HS3ST4: variants seen among roughly 807,000 people sequenced by gnomAD.
HS3ST4 encodes heparan sulfate glucosamine 3-O-sulfotransferase 4.
HS3ST4 carries 17 observed loss-of-function variants against 29.2 expected under a neutral mutation model. The ratio of observed to expected loss-of-function variants is 0.58; its 90% CI spans 0.40 to 0.87. The LOEUF is 0.87. Ranked by LOEUF, HS3ST4 falls within the 40% of genes least tolerant of loss-of-function variation. HS3ST4 has a pLI of 0.00. For missense variants in HS3ST4, 627 were observed against 634.5 expected, an observed-to-expected ratio of 0.99 and a Z score of 0.13; for synonymous variants, 314 against 285.7, an observed-to-expected ratio of 1.10 and a Z score of -1.00.
chr16:25,957,201 C>T (rs935322405), intron 1 of HS3ST4, among the ~76,000 whole-genome samples: 1 of 152,020 alleles, frequency 6.6e-6, no homozygotes, highest in African/African-American at 2.4e-5. Flanking sequence ...TCCAAAGGCC[C>T]TCTGATTCCT....
chr16:25,722,552 G>A (rs11863561), intron 1 of HS3ST4, among the ~76,000 whole-genome samples: 28,892 of 152,180 alleles, frequency 0.19, 3,010 homozygotes, highest in South Asian at 0.33. Flanking sequence ...TATGGATACA[G>A]TGTCACCTGG....
rs559572156 is a variant in HS3ST4 at position 26,038,038 on chromosome 16, A to G, written c.735-97574A>G. Among the ~76,000 whole-genome samples the G allele has an allele frequency of 3.3e-5, 5 of 152,176 alleles. No homozygotes were observed. In the South Asian group the frequency reaches 1.0e-3, roughly 32 times the overall value. On this transcript the variant is annotated intron_variant, in intron 1 of 1. Transcript: ENST00000331351. ...GTAAAAGTCCTTCGTGTATTTCCCA[A>G]AACCTTACATGATATGGATGTATCC...
chr16:25,725,873 A>C (rs973317510), intron 1 of HS3ST4, among the ~76,000 whole-genome samples: 3 of 152,120 alleles, frequency 2.0e-5, no homozygotes, highest in African/African-American at 7.2e-5. Flanking sequence ...ACTTACACAT[A>C]GAATATTGTC....
At chr16:25,706,469 C>T (rs1366641611) in intron 1 of HS3ST4, among the ~76,000 whole-genome samples, 1 of 152,040 alleles carries the variant, frequency 6.6e-6, no homozygotes, top group Non-Finnish European at 1.5e-5. Context: ...CACCTATCAA[C>T]CCGTCATCTA....
intron 1 of HS3ST4, among the ~76,000 whole-genome samples, chr16:25,761,183 C>T (rs114388475): frequency 1.1e-3 from 167 of 152,252 alleles, no homozygotes; most frequent in African/African-American, 3.9e-3. Flanking sequence ...CTGCTTCAGT[C>T]GTATCTTGCC....
intron 1 of HS3ST4, among the ~76,000 whole-genome samples, chr16:25,775,899 G>A (rs573188900): frequency 1.3e-5 from 2 of 152,334 alleles, no homozygotes; most frequent in South Asian, 2.1e-4. Flanking sequence ...TCCGCATACA[G>A]TCTTAGTCCT....
At chr16:25,736,215 C>T (rs1449081818) in intron 1 of HS3ST4, among the ~76,000 whole-genome samples, 2 of 152,188 alleles carry the variant, frequency 1.3e-5, no homozygotes, top group Non-Finnish European at 1.5e-5. Context: ...GAATGGCATT[C>T]ATAACGACGT....
At chr16:25,704,530 G>C (rs987695120) in intron 1 of HS3ST4, among the ~76,000 whole-genome samples, 2 of 152,050 alleles carry the variant, frequency 1.3e-5, no homozygotes, top group East Asian at 3.9e-4. Context: ...CATGATCATA[G>C]CTCACAGCAG....
At chr16:25,871,319 C>T (rs1337821034) in intron 1 of HS3ST4, among the ~76,000 whole-genome samples, 1 of 152,132 alleles carries the variant, frequency 6.6e-6, no homozygotes, top group Non-Finnish European at 1.5e-5. Flanking sequence ...TAAGCCAGAG[C>T]TGCCCATCAT....
At chr16:26,022,105 G>A (rs1407070308) in intron 1 of HS3ST4, among the ~76,000 whole-genome samples, 2 of 152,232 alleles carry the variant, frequency 1.3e-5, no homozygotes, top group South Asian at 2.1e-4. Context: ...TGGGACTACA[G>A]GCACATGTCA....
rs193259566 is a variant in HS3ST4, at chr16:25,966,767, C to T, written c.735-168845C>T. On this transcript the variant is annotated intron_variant, in intron 1 of 1. Transcript: ENST00000331351. ...CCATTCCTACTTAATGTTTGATGGTCGTGGTGGGCAGTGGAGATGGGAGAT... is the reference window on the plus strand; with the variant it reads ...CCATTCCTACTTAATGTTTGATGGTTGTGGTGGGCAGTGGAGATGGGAGAT... 5.3e-5 allele frequency among the ~76,000 whole-genome samples: 8 copies of T among 152,126 alleles called. No individual in the cohort carries two copies. In the East Asian group the frequency reaches 5.8e-4, roughly 11 times the overall value.
intron 1 of HS3ST4, among the ~76,000 whole-genome samples, chr16:25,828,301 C>CTTTCCCTCT (rs1555467593): frequency 9.1e-5 from 3 of 32,886 alleles, no homozygotes; most frequent in African/African-American, 1.3e-4. Context: ...TCTTTCTTTC[C>CTTTCCCTCT]CTCTCTCTCT....
chr16:26,001,964 T>C (rs1335292322), intron 1 of HS3ST4, among the ~76,000 whole-genome samples: 1 of 152,118 alleles, frequency 6.6e-6, no homozygotes, highest in African/African-American at 2.4e-5. Context: ...TGGTAACTAA[T>C]TGAACATGAG....
At position 25,828,295 on chromosome 16, in the gene HS3ST4, T is replaced by TCC. The variant is rs1463074019; in HGVS notation, c.734+135145_734+135146insCC. On this transcript the variant is annotated intron_variant, in intron 1 of 1. Coordinates refer to ENST00000331351, the MANE Select transcript of HS3ST4 (RefSeq NM_006040.3). ...TTCTTTCTTTCTTTCTTTCTTTCTT[T>TCC]CTTTCCCTCTCTCTCTCTCTCTCTC... 4.8e-3 allele frequency among the ~76,000 whole-genome samples: 324 copies of TCC among 67,968 alleles called. 2 individuals carry two copies. Among genetic ancestry groups the TCC allele is most frequent in the African/African-American group, 7.7e-3 (114 of 14,748 alleles). 44.6% of individuals were successfully genotyped at this position (67,968 alleles called of 152,430 possible). A position where few individuals can be genotyped will look rare whatever the true frequency, so the allele number is the denominator to read the frequency against.
At chr16:25,715,827 T>C (rs1966450414) in intron 1 of HS3ST4, among the ~76,000 whole-genome samples, 1 of 152,202 alleles carries the variant, frequency 6.6e-6, no homozygotes, top group Non-Finnish European at 1.5e-5. Context: ...ATAGGGGGAT[T>C]CTGTGGTCAG....
At chr16:25,705,461 C>T (rs532825333) in intron 1 of HS3ST4, among the ~76,000 whole-genome samples, 6 of 152,176 alleles carry the variant, frequency 3.9e-5, no homozygotes, top group Middle Eastern at 3.4e-3. Context: ...GTCAGGAGGT[C>T]GAGACCACCC....
At chr16:25,740,010 T>C (rs1043398791) in intron 1 of HS3ST4, among the ~76,000 whole-genome samples, 2 of 152,150 alleles carry the variant, frequency 1.3e-5, no homozygotes, top group African/African-American at 4.8e-5. Flanking sequence ...TTTTTCTTCC[T>C]TTTTTTCTTT....
chr16:25,869,909 G>A (rs1967731843), intron 1 of HS3ST4, among the ~76,000 whole-genome samples: 1 of 152,118 alleles, frequency 6.6e-6, no homozygotes, highest in African/African-American at 2.4e-5. Flanking sequence ...AGAAAATAAG[G>A]CTCAGAGAGG....
intron 1 of HS3ST4, among the ~76,000 whole-genome samples, chr16:25,945,993 C>A (rs1275200913): frequency 6.6e-6 from 1 of 152,162 alleles, no homozygotes; most frequent in African/African-American, 2.4e-5. Context: ...TCTTTTATTG[C>A]CAGATCCCAA....
Sources: gnomAD v4.1 joint callset for allele counts (sites outside exome capture counted in the v4.1 genomes callset) on GRCh38, gnomAD v4.1.1 for gene constraint, MANE v1.5 for transcripts, NCBI Gene and HGNC (gene_info 2026-07-23, HGNC 2026-07-21) for gene names.